The following TAOK3 variants were observed in gnomAD, a reference collection of about 807,000 sequenced individuals.
TAOK3 encodes the protein TAO kinase 3.
A neutral mutation model predicts 120.4 loss-of-function variants in TAOK3; 40 were observed. The observed-to-expected ratio is 0.33, with a 90% CI of 0.26 to 0.43. TAOK3 has a LOEUF of 0.43. Ranked by LOEUF, TAOK3 falls within the 20% of genes least tolerant of loss-of-function variation. The probability of loss-of-function intolerance (pLI) is 1.00; values close to 1 mark genes in which losing one functional copy is unlikely to be tolerated. For synonymous variants in TAOK3, 355 were observed against 387.5 expected (o/e 0.92, Z 0.99); for missense variants, 821 against 1,112.1 (o/e 0.74, Z 3.72).
At chr12:118,186,521 C>G (rs2061375412) in intron 14 of TAOK3, among the ~76,000 whole-genome samples, 1 of 152,090 alleles carries the variant, frequency 6.6e-6, no homozygotes, top group African/African-American at 2.4e-5. Context: ...CATAAAAACT[C>G]AAGGAAGGCA....
At chr12:118,217,701 T>TAA in intron 9 of TAOK3, among the ~76,000 whole-genome samples, 1 of 147,598 alleles carries the variant, frequency 6.8e-6, no homozygotes, top group African/African-American at 2.5e-5. Context: ...AAAAATAAAT[T>TAA]AAAAAAAATG....
intron 9 of TAOK3, among the ~76,000 whole-genome samples, chr12:118,220,177 G>A (rs1270436047): frequency 6.6e-6 from 1 of 152,060 alleles, no homozygotes; most frequent in Admixed American, 6.6e-5. Context: ...CAAAGTGCTG[G>A]GATTAGAGGC....
At chr12:118,171,236 G>T (rs1167855961) in intron 17 of TAOK3, among the ~76,000 whole-genome samples, 1 of 152,178 alleles carries the variant, frequency 6.6e-6, no homozygotes, top group Non-Finnish European at 1.5e-5. Context: ...AGATCTAATT[G>T]CCTCTATCCC....
chr12:118,231,455 A>G (rs1420086817), intron 9 of TAOK3, among the ~76,000 whole-genome samples: 2 of 151,942 alleles, frequency 1.3e-5, no homozygotes, highest in Non-Finnish European at 2.9e-5. Context: ...GTTTTGTCGG[A>G]AGGGGTCAAT....
chr12:118,337,362 T>C (rs558251271), intron 1 of TAOK3, among the ~76,000 whole-genome samples: 140 of 152,316 alleles, frequency 9.2e-4, no homozygotes, highest in African/African-American at 3.2e-3. Context: ...GACAGTTTCT[T>C]ATAAAACCAA....
chr12:118,342,235 A>C (rs1358285782), intron 1 of TAOK3, among the ~76,000 whole-genome samples: 1 of 152,194 alleles, frequency 6.6e-6, no homozygotes, highest in Non-Finnish European at 1.5e-5. Context: ...TTCCAGTGAG[A>C]AAGCTACCAC....
chr12:118,368,363 A>C (rs1016094870), intron 1 of TAOK3, among the ~76,000 whole-genome samples: 4 of 151,774 alleles, frequency 2.6e-5, no homozygotes, highest in Non-Finnish European at 5.9e-5. Context: ...CGCCCCGGCT[A>C]ATGTTTGTAT....
At chr12:118,280,541 TCCA>T (rs926533795) in intron 1 of TAOK3, among the ~76,000 whole-genome samples, 14 of 152,248 alleles carry the variant, frequency 9.2e-5, no homozygotes, top group Non-Finnish European at 1.8e-4. Flanking sequence ...TCTATTCTGT[TCCA>T]CTGGTCTATG....
At chr12:118,234,092 G>A (rs995957825) in intron 8 of TAOK3, among the ~76,000 whole-genome samples, 1 of 151,258 alleles carries the variant, frequency 6.6e-6, no homozygotes, top group African/African-American at 2.4e-5. Context: ...ACAGAGATTT[G>A]TAAAGGATGA....
intron 1 of TAOK3, among the ~76,000 whole-genome samples, chr12:118,328,363 C>A (rs1334990410): frequency 2.6e-5 from 4 of 152,074 alleles, no homozygotes; most frequent in African/African-American, 9.7e-5. Flanking sequence ...CTAACAAATA[C>A]TTATTGAGTT....
At chr12:118,328,207 C>G (rs563579413) in intron 1 of TAOK3, among the ~76,000 whole-genome samples, 2 of 152,116 alleles carry the variant, frequency 1.3e-5, no homozygotes, top group East Asian at 3.9e-4. Flanking sequence ...ATTACAGCCA[C>G]CCGCCACCAC....
intron 1 of TAOK3, among the ~76,000 whole-genome samples, chr12:118,331,711 A>C (rs1028683619): frequency 6.6e-6 from 1 of 151,522 alleles, no homozygotes; most frequent in Non-Finnish European, 1.5e-5. Context: ...ATGAAATTTA[A>C]AAATGCATGT....
intron 1 of TAOK3, among the ~76,000 whole-genome samples, chr12:118,307,421 C>T (rs888863678): frequency 1.3e-5 from 2 of 152,128 alleles, no homozygotes; most frequent in Non-Finnish European, 2.9e-5. Flanking sequence ...ACTCCCCCTC[C>T]CACCCTCACA....
chr12:118,209,868 TG>T lies in TAOK3; in HGVS notation c.819+3045del, dbSNP rs1358485513. Reference sequence around the variant, plus strand: ...AGCTGGGACTAAAGGCGCATGCCACTGCACCTGGCTAATTTTTGTAGAGATG... The same window carrying T: ...AGCTGGGACTAAAGGCGCATGCCACTCACCTGGCTAATTTTTGTAGAGATG... On this transcript the variant is annotated intron_variant, in intron 11 of 20. Transcript: ENST00000392533. 5.9e-5 allele frequency among the ~76,000 whole-genome samples: 9 copies of T among 152,058 alleles called. No homozygotes were observed. In the East Asian group the frequency reaches 1.2e-3, roughly 20 times the overall value.
At chr12:118,267,590 T>C (rs1170648892) in intron 1 of TAOK3, among the ~76,000 whole-genome samples, 3 of 150,664 alleles carry the variant, frequency 2.0e-5, no homozygotes, top group Non-Finnish European at 4.4e-5. Context: ...ATACACATTA[T>C]TAAGAAAAAA....
At chr12:118,327,552 T>C (rs1419523323) in intron 1 of TAOK3, among the ~76,000 whole-genome samples, 3 of 152,196 alleles carry the variant, frequency 2.0e-5, no homozygotes, top group South Asian at 4.1e-4. Context: ...TTGCCAGAAA[T>C]ACTAAAATCA....
intron 1 of TAOK3, among the ~76,000 whole-genome samples, chr12:118,314,080 A>C (rs2043358971): frequency 6.6e-6 from 1 of 152,210 alleles, no homozygotes; most frequent in African/African-American, 2.4e-5. Context: ...AATTTCCATC[A>C]CAGTACACAC....
Position 118,150,959 on chromosome 12 carries a change from T to C in TAOK3, c.*38A>G. On this transcript the variant is annotated 3_prime_UTR_variant, in exon 21 of 21. Coordinates refer to ENST00000392533, the MANE Select transcript of TAOK3 (RefSeq NM_016281.4). Reference sequence around the variant, plus strand: ...GGTCTGAATTTTTTTCTGTTTTCTTTTTTTTTTTTTTTTTTGTAAATGGCA... The same window carrying C: ...GGTCTGAATTTTTTTCTGTTTTCTTCTTTTTTTTTTTTTTTGTAAATGGCA... The C allele has an allele frequency of 2.4e-6, 3 of 1,239,232 alleles. No individual in the cohort carries two copies. Among genetic ancestry groups the C allele is most frequent in the South Asian group, 1.5e-5 (1 of 67,010 alleles). The allele number at this position is 1,239,232 out of a possible 1,614,324, so 76.8% of individuals were successfully genotyped here.
At chr12:118,324,362 A>T (rs78468793) in intron 1 of TAOK3, among the ~76,000 whole-genome samples, 3,010 of 152,280 alleles carry the variant, frequency 0.02, 48 homozygotes, top group South Asian at 0.027. Context: ...CATATCAAGC[A>T]TCTATCATTT....
Sources: gnomAD v4.1 joint callset for allele counts (sites outside exome capture counted in the v4.1 genomes callset) on GRCh38, gnomAD v4.1.1 for gene constraint, MANE v1.5 for transcripts, NCBI Gene and HGNC (gene_info 2026-07-23, HGNC 2026-07-21) for gene names.